Variants in JAM3 observed in about 807,000 individuals in gnomAD.
JAM3 encodes the protein junctional adhesion molecule C.
A neutral mutation model predicts 39.4 loss-of-function variants in JAM3; 31 were observed. The ratio of observed to expected loss-of-function variants is 0.79; its 90% CI spans 0.59 to 1.06. The LOEUF (loss-of-function observed/expected upper bound fraction) is 1.06. Ranked by LOEUF, JAM3 falls within the 50% of genes least tolerant of loss-of-function variation. JAM3 has a pLI of 0.00. For missense variants in JAM3, 455 were observed against 391.4 expected (o/e 1.16, Z -1.37); for synonymous variants, 182 against 148.7 (o/e 1.22, Z -1.63).
rs919235295 is a variant in JAM3 at position 134,115,307 on chromosome 11, A to T, written c.77-24544A>T. Among the ~76,000 whole-genome samples the T allele has an allele frequency of 2.0e-5, 3 of 152,148 alleles. 1 individual carries two copies. The highest frequency in any genetic ancestry group is 4.4e-5 in the Non-Finnish European group (3 of 68,028). On this transcript the variant is annotated intron_variant, in intron 1 of 8. Coordinates refer to ENST00000299106, the MANE Select transcript of JAM3 (RefSeq NM_032801.5). The stretch of plus-strand genomic sequence containing the variant: ...GCCTTGCTTTTTTAGGAGAAAATCT[A>T]ATCTAACAATATATGCCATTTAATT...
rs1330457655 is a variant in JAM3, at chr11:134,149,622, C to T, written c.*441C>T. 4.3e-6 allele frequency: 2 copies of T among 461,906 alleles called. No individual in the cohort carries two copies. Among genetic ancestry groups the T allele is most frequent in the Non-Finnish European group, 8.7e-6 (2 of 230,792 alleles). The allele number at this position is 461,906 out of a possible 1,614,324, so 28.6% of individuals were successfully genotyped here. On this transcript the variant is annotated 3_prime_UTR_variant, in exon 9 of 9. Coordinates refer to ENST00000299106, the MANE Select transcript of JAM3 (RefSeq NM_032801.5). ...CCAGCAGCGCATCCCGGCGGGAACC[C>T]AGAAAAGGCTTCTTACACAGCAGCC... is the stretch of plus-strand genomic sequence containing the variant.
intron 1 of JAM3, among the ~76,000 whole-genome samples, chr11:134,101,346 G>T (rs1942069462): frequency 6.6e-6 from 1 of 152,184 alleles, no homozygotes; most frequent in African/African-American, 2.4e-5. Context: ...AAGGAGGACA[G>T]CTATTTAACT....
chr11:134,073,937 G>A (rs1941523272), intron 1 of JAM3, among the ~76,000 whole-genome samples: 1 of 152,144 alleles, frequency 6.6e-6, no homozygotes, highest in East Asian at 1.9e-4. Context: ...AAAAGTGTCA[G>A]TTTGTACTAC....
chr11:134,148,527 C>G lies in JAM3; in HGVS notation c.713-20C>G, dbSNP rs778582774. 1.1e-5 allele frequency: 18 copies of G among 1,614,018 alleles called. No individual in the cohort carries two copies. The highest frequency in any genetic ancestry group is 1.1e-4 in the East Asian group (5 of 44,900). Reference sequence around the variant, plus strand: ...CAGATAGTGTGTATCATGGCTTCCACCAAACCTCCTTTTCTTCAGATGACC... The same window carrying G: ...CAGATAGTGTGTATCATGGCTTCCAGCAAACCTCCTTTTCTTCAGATGACC... On this transcript the variant is annotated intron_variant, in intron 6 of 8. Coordinates refer to ENST00000299106, the MANE Select transcript of JAM3 (RefSeq NM_032801.5).
intron 1 of JAM3, among the ~76,000 whole-genome samples, chr11:134,138,469 C>T (rs112450543): frequency 6.8e-6 from 1 of 147,752 alleles, no homozygotes; most frequent in Non-Finnish European, 1.5e-5. Flanking sequence ...GGTGGTGTCT[C>T]GTCGAAGTCG....
At chr11:134,093,067 A>G (rs944111798) in intron 1 of JAM3, among the ~76,000 whole-genome samples, 1 of 126,204 alleles carries the variant, frequency 7.9e-6, no homozygotes, top group Non-Finnish European at 1.6e-5. Flanking sequence ...GTTCCACCTT[A>G]CATCTTATTC....
chr11:134,080,611 C>A (rs1048569396), intron 1 of JAM3, among the ~76,000 whole-genome samples: 2 of 152,180 alleles, frequency 1.3e-5, no homozygotes, highest in African/African-American at 4.8e-5. Context: ...TACCTTCTGC[C>A]GTGATTGTGA....
chr11:134,069,077 C>G lies in JAM3; in HGVS notation c.-7C>G, dbSNP rs781209285. 4.3e-6 allele frequency: 7 copies of G among 1,609,876 alleles called. No individual in the cohort carries two copies. The South Asian group carries it at 6.6e-5, about 15-fold the overall frequency. The stretch of plus-strand genomic sequence containing the variant: ...GCGCTGCCGCTGGCCCCTCAGCAAC[C>G]CTCGACATGGCGCTGAGGCGGCCAC... On this transcript the variant is annotated 5_prime_UTR_variant, in exon 1 of 9. Coordinates refer to ENST00000299106, the MANE Select transcript of JAM3 (RefSeq NM_032801.5).
chr11:134,104,556 CAATG>C lies in JAM3; in HGVS notation c.77-35291_77-35288del, dbSNP rs573204453. 7.3e-3 allele frequency among the ~76,000 whole-genome samples: 1,103 copies of C among 152,118 alleles called. 9 individuals carry two copies. The highest frequency in any genetic ancestry group is 0.025 in the African/African-American group (1,034 of 41,482). On this transcript the variant is annotated intron_variant, in intron 1 of 8. Coordinates refer to ENST00000299106, the MANE Select transcript of JAM3 (RefSeq NM_032801.5). Reference sequence around the variant, plus strand: ...GATACAAAAAACCCTTCAAAAAAATCAATGAATCCAGGAGCTGGGTTTTTGAAAA... The same window carrying C: ...GATACAAAAAACCCTTCAAAAAAATCAATCCAGGAGCTGGGTTTTTGAAAA...
At chr11:134,138,275 G>A (rs79728526) in intron 1 of JAM3, among the ~76,000 whole-genome samples, 2,464 of 50,126 alleles carry the variant, frequency 0.049, 423 homozygotes, top group East Asian at 0.27. Flanking sequence ...GCTCATACTG[G>A]AAGAAATGTT....
intron 1 of JAM3, chr11:134,070,112 A>G (rs1482933280): frequency 2.2e-6 from 1 of 455,816 alleles, no homozygotes; most frequent in African/African-American, 2.0e-5. Flanking sequence ...CTTTGGAGCC[A>G]TTATCTCGTT....
chr11:134,148,997 A>ACACACAC (rs1943136592), intron 8 of JAM3, 149 bp from the exon 9 acceptor site: 2 of 770,568 alleles, frequency 2.6e-6, no homozygotes, highest in Non-Finnish European at 4.3e-6. Context: ...CACACACACT[A>ACACACAC]ATGGGATTTG....
intron 2 of JAM3, 27 bp from the exon 3 acceptor site, chr11:134,140,630 G>C (rs774382834): frequency 6.3e-7 from 1 of 1,582,588 alleles, no homozygotes; most frequent in Non-Finnish European, 8.7e-7. Flanking sequence ...CATTCACCGA[G>C]AGCTCTTTTT....
chr11:134,138,837 A>G (rs1462497237), intron 1 of JAM3, among the ~76,000 whole-genome samples: 1 of 152,180 alleles, frequency 6.6e-6, no homozygotes, highest in African/African-American at 2.4e-5. Flanking sequence ...AAATCTGACT[A>G]TTTAGAAAGA....
intron 1 of JAM3, among the ~76,000 whole-genome samples, chr11:134,080,081 A>G (rs1443399925): frequency 2.0e-5 from 3 of 152,210 alleles, no homozygotes; most frequent in Non-Finnish European, 2.9e-5. Context: ...GAAAAAATGA[A>G]TAACCAATTG....
intron 1 of JAM3, among the ~76,000 whole-genome samples, chr11:134,106,374 G>A (rs533125294): frequency 6.6e-6 from 1 of 152,076 alleles, no homozygotes; most frequent in East Asian, 1.9e-4. Flanking sequence ...TTAAATGTTA[G>A]ACCTAAAACC....
chr11:134,081,575 G>T (rs2120595026), intron 1 of JAM3, among the ~76,000 whole-genome samples: 1 of 152,352 alleles, frequency 6.6e-6, no homozygotes, highest in East Asian at 1.9e-4. Context: ...AGAAGGTCAA[G>T]AATTGAGGTT....
intron 1 of JAM3, among the ~76,000 whole-genome samples, chr11:134,113,539 T>TGCATA (rs1942360813): frequency 6.6e-6 from 1 of 152,228 alleles, no homozygotes; most frequent in South Asian, 2.1e-4. Flanking sequence ...CTTTTATGGC[T>TGCATA]GCATAGTATT....
At chr11:134,096,248 G>A (rs977942120) in intron 1 of JAM3, among the ~76,000 whole-genome samples, 4 of 152,168 alleles carry the variant, frequency 2.6e-5, no homozygotes, top group African/African-American at 4.8e-5. Context: ...GATTACAGGC[G>A]TGAGCCACCA....
Sources: gnomAD v4.1 joint callset for allele counts (sites outside exome capture counted in the v4.1 genomes callset) on GRCh38, gnomAD v4.1.1 for gene constraint, MANE v1.5 for transcripts, NCBI Gene and HGNC (gene_info 2026-07-23, HGNC 2026-07-21) for gene names.